DLGAP1: variants seen among roughly 807,000 people sequenced by gnomAD.
The protein encoded by DLGAP1 is DLG associated protein 1, also known as disks large-associated protein 1.
Under a neutral mutation model 90.8 loss-of-function variants are expected in DLGAP1, and 11 were observed. That is an observed-to-expected ratio of 0.12 (90% CI 0.08 to 0.20). The LOEUF (loss-of-function observed/expected upper bound fraction) is 0.20. Ranked by LOEUF, DLGAP1 falls within the 10% of genes least tolerant of loss-of-function variation. The probability of loss-of-function intolerance (pLI) is 1.00; values close to 1 mark genes in which losing one functional copy is unlikely to be tolerated. For missense variants in DLGAP1, 1,050 were observed against 1,333.8 expected (o/e 0.79, Z 3.31); for synonymous variants, 558 against 540.7 (o/e 1.03, Z -0.44).
At chr18:3,568,849 G>T (rs1031255003) in intron 8 of DLGAP1, among the ~76,000 whole-genome samples, 1 of 151,896 alleles carries the variant, frequency 6.6e-6, no homozygotes, top group African/African-American at 2.4e-5. Context: ...ACCACGCCTG[G>T]CTAATTTTTT....
Position 3,496,771 on chromosome 18 carries a change from G to A in DLGAP1, c.*2414C>T, listed in dbSNP as rs2049709069. The A allele has an allele frequency of 6.6e-6, 1 of 152,198 alleles. No homozygotes were observed. Among genetic ancestry groups the A allele is most frequent in the African/African-American group, 2.4e-5 (1 of 41,452 alleles). The allele number at this position is 152,198 out of a possible 1,614,324, so 9.4% of individuals were successfully genotyped here. On this transcript the variant is annotated 3_prime_UTR_variant, in exon 13 of 13. Transcript: ENST00000315677. The stretch of plus-strand genomic sequence containing the variant: ...GTCAAGCAGCATTGTGTGGGGTCAT[G>A]TTCTAACACCAATAATTAGCTTTTT...
intron 7 of DLGAP1, among the ~76,000 whole-genome samples, chr18:3,641,621 A>G (rs2146321423): frequency 6.6e-6 from 1 of 151,994 alleles, no homozygotes; most frequent in South Asian, 2.1e-4. Flanking sequence ...ACAGACACAC[A>G]CAGTATATAA....
intron 7 of DLGAP1, among the ~76,000 whole-genome samples, chr18:3,617,098 A>C (rs939249757): frequency 1.3e-5 from 2 of 152,284 alleles, no homozygotes; most frequent in South Asian, 2.1e-4. Flanking sequence ...CTGAGCCAGA[A>C]CTACCCCGCC....
Position 4,148,474 on chromosome 18 carries a change from G to A in DLGAP1, c.-159+2706C>T, listed in dbSNP as rs545319012. ...CTTTGGAGCCAAAGGAGACCAGGGA[G>A]CAGTAAACTAATGAGGGGCAATTAC... On this transcript the variant is annotated intron_variant, in intron 2 of 12. Coordinates refer to ENST00000315677, the MANE Select transcript of DLGAP1 (RefSeq NM_004746.4). 5.3e-5 allele frequency among the ~76,000 whole-genome samples: 8 copies of A among 152,346 alleles called. No individual in the cohort carries two copies. In the South Asian group the frequency reaches 1.7e-3, roughly 32 times the overall value.
At chr18:4,270,168 A>G (rs2079243527) in intron 1 of DLGAP1, among the ~76,000 whole-genome samples, 1 of 152,220 alleles carries the variant, frequency 6.6e-6, no homozygotes, top group Non-Finnish European at 1.5e-5. Context: ...GCACTACTGC[A>G]CTGTGTCATC....
chr18:3,581,723 A>G, intron 8 of DLGAP1, 152 bp downstream of exon 8: 1 of 890,772 alleles, frequency 1.1e-6, no homozygotes, highest in Middle Eastern at 3.5e-4. Context: ...TTAACAGTAT[A>G]CGGAGTCCAC....
At chr18:4,343,423 A>G (rs1470223120) in intron 1 of DLGAP1, among the ~76,000 whole-genome samples, 1 of 152,086 alleles carries the variant, frequency 6.6e-6, no homozygotes, top group Non-Finnish European at 1.5e-5. Context: ...GGATAGTGGT[A>G]GTATCCTGAT....
chr18:3,568,888 G>A (rs987670760), intron 8 of DLGAP1, among the ~76,000 whole-genome samples: 10 of 151,638 alleles, frequency 6.6e-5, no homozygotes, highest in African/African-American at 1.7e-4. Context: ...GGGTTTCACT[G>A]TGTTAGCCAG....
intron 1 of DLGAP1, among the ~76,000 whole-genome samples, chr18:4,443,571 C>G (rs751316900): frequency 7.9e-5 from 12 of 152,168 alleles, no homozygotes; most frequent in Non-Finnish European, 1.5e-4. Context: ...AAGTTAGAAG[C>G]CAGTCACTAC....
chr18:3,500,550 C>A lies in DLGAP1; in HGVS notation c.2725-1156G>T, dbSNP rs568395958. ...CCTAGTTCAACTTCTCACCCTGGAG[C>A]TACCCCACCGGCTGTCTAAGGTGGA... On this transcript the variant is annotated intron_variant, in intron 12 of 12. Transcript: ENST00000315677. Among the ~76,000 whole-genome samples, 9 of 152,278 alleles carry A rather than the reference C, an allele frequency of 5.9e-5. No homozygotes were observed. In the South Asian group the frequency reaches 1.9e-3, roughly 32 times the overall value.
intron 1 of DLGAP1, among the ~76,000 whole-genome samples, chr18:4,349,404 G>A (rs529778461): frequency 1.5e-4 from 23 of 152,130 alleles, no homozygotes; most frequent in South Asian, 4.2e-4. Flanking sequence ...AAATGCAGTC[G>A]GTGATCCTGG....
chr18:3,502,289 T>G (rs553673412), intron 12 of DLGAP1: 2 of 1,332,844 alleles, frequency 1.5e-6, no homozygotes, highest in African/African-American at 1.5e-5. Context: ...CAAAGACAGG[T>G]TTTTCTTTAA....
intron 7 of DLGAP1, among the ~76,000 whole-genome samples, chr18:3,650,024 C>A (rs2146426573): frequency 6.6e-6 from 1 of 152,212 alleles, no homozygotes; most frequent in Middle Eastern, 3.4e-3. Flanking sequence ...TCAATGCTCC[C>A]AGAGACATTA....
chr18:3,957,420 A>C (rs1221435732), intron 3 of DLGAP1, among the ~76,000 whole-genome samples: 1 of 152,198 alleles, frequency 6.6e-6, no homozygotes, highest in Non-Finnish European at 1.5e-5. Context: ...TGACAAACTT[A>C]TGTTGTTTTA....
chr18:3,591,148 C>T lies in DLGAP1; in HGVS notation c.1592-8900G>A, dbSNP rs1447395951. Among the ~76,000 whole-genome samples, 196 of 152,072 alleles carry T rather than the reference C, an allele frequency of 1.3e-3. 1 individual carries two copies. The highest frequency in any genetic ancestry group is 2.1e-3 in the Non-Finnish European group (145 of 67,982). ...AGCACTGAAAAGAACATTTGCAAAT[C>T]CAGGGAACAGGGCAGAGGTAGTACA... On this transcript the variant is annotated intron_variant, in intron 7 of 12. Coordinates refer to ENST00000315677, the MANE Select transcript of DLGAP1 (RefSeq NM_004746.4).
chr18:3,955,377 A>G (rs188615014), intron 3 of DLGAP1, among the ~76,000 whole-genome samples: 4 of 152,336 alleles, frequency 2.6e-5, no homozygotes, highest in South Asian at 4.1e-4. Context: ...CCAGTACCTG[A>G]CAAGGTAAAA....
intron 1 of DLGAP1, among the ~76,000 whole-genome samples, chr18:4,276,915 C>G (rs2079429515): frequency 6.6e-6 from 1 of 152,108 alleles, no homozygotes; most frequent in Non-Finnish European, 1.5e-5. Flanking sequence ...AAAAGTGTAT[C>G]TTAAATTATT....
intron 1 of DLGAP1, among the ~76,000 whole-genome samples, chr18:4,219,445 C>T (rs748582900): frequency 3.8e-4 from 58 of 151,854 alleles, no homozygotes; most frequent in Non-Finnish European, 1.6e-4. Flanking sequence ...CTTCACACTA[C>T]TGTTTCCTTT....
chr18:3,572,060 T>G (rs1599307023), intron 8 of DLGAP1, among the ~76,000 whole-genome samples: 1 of 149,706 alleles, frequency 6.7e-6, no homozygotes, highest in South Asian at 2.1e-4. Flanking sequence ...TTTCAGTGGT[T>G]TCTTCTAGGT....
Sources: allele counts gnomAD v4.1 joint callset (sites outside exome capture counted in the v4.1 genomes callset), GRCh38; gene constraint gnomAD v4.1.1; transcripts MANE v1.5; gene names NCBI Gene and HGNC (gene_info 2026-07-23, HGNC 2026-07-21).